The following AGAP1 variants were observed in gnomAD, a reference collection of about 807,000 sequenced individuals.
AGAP1 encodes ArfGAP with GTPase domain, ankyrin repeat and PH domain 1.
A neutral mutation model predicts 105.3 loss-of-function variants in AGAP1; 29 were observed. The ratio of observed to expected loss-of-function variants is 0.28; its 90% CI spans 0.21 to 0.38. The LOEUF (loss-of-function observed/expected upper bound fraction) is 0.38, where lower values mean the gene tolerates loss of function less well. AGAP1 is among the 10% of genes least tolerant of loss of function. The probability of loss-of-function intolerance (pLI) is 1.00; values close to 1 mark genes in which losing one functional copy is unlikely to be tolerated. For synonymous variants in AGAP1, 509 were observed against 485.9 expected (o/e 1.05, Z -0.63); for missense variants, 998 against 1,165.1 (o/e 0.86, Z 2.09).
rs2059711465 is a variant in AGAP1 at position 236,113,966 on chromosome 2, G to T, written c.2115-6226G>T. ...CCTTTTCTTTTTATTTTGGGGATTG[G>T]GTCAGTGCCTTTCTTCTGATGAGTC... On this transcript the variant is annotated intron_variant, in intron 16 of 17. Transcript: ENST00000304032. This position sits in a 1 kb window ranked among gnomAD's most constrained non-coding sequence, Gnocchi z 4.3. Among the ~76,000 whole-genome samples the T allele has an allele frequency of 6.6e-6, 1 of 152,060 alleles. No individual in the cohort carries two copies. Among genetic ancestry groups the T allele is most frequent in the South Asian group, 2.1e-4 (1 of 4,810 alleles).
rs966893098 is a variant in AGAP1 at position 235,824,875 on chromosome 2, A to G, written c.1050+17544A>G. Among the ~76,000 whole-genome samples, 8 of 152,198 alleles carry G rather than the reference A, an allele frequency of 5.3e-5. No homozygotes were observed. Among genetic ancestry groups the G allele is most frequent in the African/African-American group, 1.9e-4 (8 of 41,448 alleles). Reference sequence around the variant, plus strand: ...TCACGGGTTTGGATAATTTCAGGAAAAGGAAAGCATGTTTTTATGTCTCAC... The same window carrying G: ...TCACGGGTTTGGATAATTTCAGGAAGAGGAAAGCATGTTTTTATGTCTCAC... On this transcript the variant is annotated intron_variant, in intron 9 of 17. Transcript: ENST00000304032. The surrounding 1 kb of genome is among the most constrained non-coding windows in gnomAD (Gnocchi z 5.2).
chr2:235,591,801 T>A (rs1309730826), intron 1 of AGAP1, among the ~76,000 whole-genome samples: 1 of 152,102 alleles, frequency 6.6e-6, no homozygotes, highest in Non-Finnish European at 1.5e-5. Context: ...CACAACAGTA[T>A]ACAGTATTAG....
intron 12 of AGAP1, among the ~76,000 whole-genome samples, chr2:235,944,696 T>A (rs148180902): frequency 3.6e-3 from 541 of 152,294 alleles, no homozygotes; most frequent in African/African-American, 0.012. Flanking sequence ...AGTGTCTCTT[T>A]GCCAGAGCCT....
In AGAP1 at chr2:235,993,484, T is replaced by G. The variant is rs950790590; in HGVS notation, c.1645+24861T>G. On this transcript the variant is annotated intron_variant, in intron 13 of 17. Transcript: ENST00000304032. The surrounding 1 kb of genome is among the most constrained non-coding windows in gnomAD (Gnocchi z 5.0). ...CAAAGTGGAAGACAGGGAGCACCTC[T>G]GCAGGCCTATAGGGAGGTAGTAATT... is the stretch of plus-strand genomic sequence containing the variant. Among the ~76,000 whole-genome samples, 11 of 152,262 alleles carry G rather than the reference T, an allele frequency of 7.2e-5. No individual in the cohort carries two copies. The highest frequency in any genetic ancestry group is 2.0e-4 in the Admixed American group (3 of 15,290).
Position 235,845,198 on chromosome 2 carries a change from G to T in AGAP1, c.1050+37867G>T, listed in dbSNP as rs1457276221. 6.6e-6 allele frequency among the ~76,000 whole-genome samples: 1 copy of T among 152,178 alleles called. No homozygotes were observed. The highest frequency in any genetic ancestry group is 2.4e-5 in the African/African-American group (1 of 41,442). ...CACATGTCAAGGAAATCTGGGAGCA[G>T]CAGCCCAGCCATCCCAGGATCTCAC... On this transcript the variant is annotated intron_variant, in intron 9 of 17. Coordinates refer to ENST00000304032, the MANE Select transcript of AGAP1 (RefSeq NM_001037131.3). This position sits in a 1 kb window ranked among gnomAD's most constrained non-coding sequence, Gnocchi z 4.8.
At chr2:235,568,592 G>A (rs1944422232) in intron 1 of AGAP1, among the ~76,000 whole-genome samples, 1 of 152,152 alleles carries the variant, frequency 6.6e-6, no homozygotes, top group African/African-American at 2.4e-5. Flanking sequence ...GATGTGGATC[G>A]CTGCTGGCTC....
At chr2:235,790,165 G>A (rs1956888412) in intron 6 of AGAP1, among the ~76,000 whole-genome samples, 2 of 152,144 alleles carry the variant, frequency 1.3e-5, no homozygotes, top group Non-Finnish European at 2.9e-5. Context: ...TCCTTGTGGG[G>A]TCGCCGTGCT....
intron 13 of AGAP1, among the ~76,000 whole-genome samples, chr2:236,032,408 C>T (rs1183860364): frequency 6.6e-6 from 1 of 152,158 alleles, no homozygotes; most frequent in Non-Finnish European, 1.5e-5. Context: ...GATCAAGCAT[C>T]TCAGAAGACT....
rs1459614579 is a variant in AGAP1, at chr2:235,874,665, T to C, written c.1051-8680T>C. Among the ~76,000 whole-genome samples, 1 of 152,210 alleles carries C rather than the reference T, an allele frequency of 6.6e-6. No homozygotes were observed. Among genetic ancestry groups the C allele is most frequent in the Non-Finnish European group, 1.5e-5 (1 of 68,036 alleles). On this transcript the variant is annotated intron_variant, in intron 9 of 17. Transcript: ENST00000304032. The surrounding 1 kb of genome is among the most constrained non-coding windows in gnomAD (Gnocchi z 4.5). ...CTGTCCTTAGGGGTCAGGACAGGAC[T>C]TCGTCATGTTTCTGGCTTTGCCTTC...
In AGAP1 at chr2:235,842,486, A is replaced by G. The variant is rs1960982905; in HGVS notation, c.1050+35155A>G. 6.6e-6 allele frequency among the ~76,000 whole-genome samples: 1 copy of G among 152,210 alleles called. No individual in the cohort carries two copies. The highest frequency in any genetic ancestry group is 2.1e-4 in the South Asian group (1 of 4,828). On this transcript the variant is annotated intron_variant, in intron 9 of 17. Coordinates refer to ENST00000304032, the MANE Select transcript of AGAP1 (RefSeq NM_001037131.3). The surrounding 1 kb of genome is among the most constrained non-coding windows in gnomAD (Gnocchi z 5.3). Reference sequence around the variant, plus strand: ...TAGGTCTGCCACTGGGTCTCAGTGCATTAATAAAGCAGTGTGCTTATTACC... The same window carrying G: ...TAGGTCTGCCACTGGGTCTCAGTGCGTTAATAAAGCAGTGTGCTTATTACC...
intron 1 of AGAP1, among the ~76,000 whole-genome samples, chr2:235,640,187 A>C (rs984175008): frequency 2.6e-5 from 4 of 152,228 alleles, no homozygotes; most frequent in African/African-American, 9.7e-5. Flanking sequence ...AGATTCCCAG[A>C]TAGAGAAGGA....
chr2:235,770,281 C>T (rs1011471657), intron 6 of AGAP1, among the ~76,000 whole-genome samples: 9 of 139,586 alleles, frequency 6.4e-5, no homozygotes, highest in African/African-American at 2.3e-4. Context: ...TACAGACGCA[C>T]GCCACCCCAC....
rs977053083 is a variant in AGAP1 at position 235,635,011 on chromosome 2, G to C, written c.164-74168G>C. The stretch of plus-strand genomic sequence containing the variant: ...TGGCCAACCGTGTGTCCTCAGATCT[G>C]CATGGAATTTCCTGTGGCGCTTTCT... On this transcript the variant is annotated intron_variant, in intron 1 of 17. Transcript: ENST00000304032. This position sits in a 1 kb window ranked among gnomAD's most constrained non-coding sequence, Gnocchi z 5.3. 6.6e-6 allele frequency among the ~76,000 whole-genome samples: 1 copy of C among 151,818 alleles called. No individual in the cohort carries two copies. Among genetic ancestry groups the C allele is most frequent in the South Asian group, 2.1e-4 (1 of 4,810 alleles).
chr2:236,115,526 C>T lies in AGAP1; in HGVS notation c.2115-4666C>T, dbSNP rs545187237. ...AGAAAGTACAGGGAGCTAAGCTTTCCCCCTGGTATCTGGATGGGAGCATCC... is the reference window on the plus strand; with the variant it reads ...AGAAAGTACAGGGAGCTAAGCTTTCTCCCTGGTATCTGGATGGGAGCATCC... On this transcript the variant is annotated intron_variant, in intron 16 of 17. Coordinates refer to ENST00000304032, the MANE Select transcript of AGAP1 (RefSeq NM_001037131.3). 2.6e-5 allele frequency among the ~76,000 whole-genome samples: 4 copies of T among 152,188 alleles called. No individual in the cohort carries two copies. The South Asian group carries it at 8.3e-4, about 32-fold the overall frequency.
At chr2:235,592,362 A>G (rs965203384) in intron 1 of AGAP1, among the ~76,000 whole-genome samples, 2 of 151,134 alleles carry the variant, frequency 1.3e-5, no homozygotes, top group African/African-American at 2.4e-5. Context: ...TCTGGGGGGC[A>G]GTGAGCAGGA....
chr2:235,741,725 G>A lies in AGAP1; in HGVS notation c.396+677G>A, dbSNP rs1022763645. Among the ~76,000 whole-genome samples, 68 of 149,738 alleles carry A rather than the reference G, an allele frequency of 4.5e-4. No homozygotes were observed. Among genetic ancestry groups the A allele is most frequent in the African/African-American group, 1.6e-3 (65 of 40,950 alleles). On this transcript the variant is annotated intron_variant, in intron 4 of 17. Transcript: ENST00000304032. The surrounding 1 kb of genome is among the most constrained non-coding windows in gnomAD (Gnocchi z 4.9). ...TGTTATTATTATTATTGTTGTTGTT[G>A]TTATTATTATTATTGTTATTTTTTA...
In AGAP1 at chr2:235,965,393, G is replaced by A. The variant is rs545776098; in HGVS notation, c.1484-3069G>A. Among the ~76,000 whole-genome samples the A allele has an allele frequency of 2.0e-5, 3 of 152,296 alleles. No individual in the cohort carries two copies. Among genetic ancestry groups the A allele is most frequent in the South Asian group, 2.1e-4 (1 of 4,818 alleles). ...AAGGGAAAGGAAGTCTTACGGGGGC[G>A]AAGGAAGGCACAGTGAAACAGTGTG... On this transcript the variant is annotated intron_variant, in intron 12 of 17. Coordinates refer to ENST00000304032, the MANE Select transcript of AGAP1 (RefSeq NM_001037131.3). The surrounding 1 kb of genome is among the most constrained non-coding windows in gnomAD (Gnocchi z 5.8).
rs1559350967 is a variant in AGAP1 at position 235,686,648 on chromosome 2, TATATATATATATATATA to T, written c.164-22530_164-22514del. ...ATATATATATATATATATATATAGA[TATATATATATATATATA>T]TTTTTTTTTTTTTTTAGACAGAGTC... is the stretch of plus-strand genomic sequence containing the variant. On this transcript the variant is annotated intron_variant, in intron 1 of 17. Transcript: ENST00000304032. 1.1e-3 allele frequency among the ~76,000 whole-genome samples: 50 copies of T among 47,616 alleles called. 1 individual carries two copies. Among genetic ancestry groups the T allele is most frequent in the African/African-American group, 5.4e-3 (47 of 8,748 alleles). The allele number at this position is 47,616 out of a possible 152,430, so 31.2% of individuals were successfully genotyped here.
chr2:235,683,456 ATAT>A (rs1389369383), intron 1 of AGAP1, among the ~76,000 whole-genome samples: 5 of 150,946 alleles, frequency 3.3e-5, no homozygotes, highest in Non-Finnish European at 2.9e-5. Flanking sequence ...TAATTTATAA[ATAT>A]TATACAATAC....
Sources: allele counts gnomAD v4.1 joint callset (sites outside exome capture counted in the v4.1 genomes callset), GRCh38; gene constraint gnomAD v4.1.1; non-coding constraint Gnocchi (gnomAD v3.1); transcripts MANE v1.5; gene names NCBI Gene and HGNC (gene_info 2026-07-23, HGNC 2026-07-21).